The following DCLK1 variants were observed in gnomAD, a reference collection of about 807,000 sequenced individuals.
DCLK1 encodes doublecortin like kinase 1.
A neutral mutation model predicts 86.2 loss-of-function variants in DCLK1; 16 were observed. That is an observed-to-expected ratio of 0.19 (90% CI 0.13 to 0.28). The LOEUF (loss-of-function observed/expected upper bound fraction) is 0.28. Ranked by LOEUF, DCLK1 falls within the 10% of genes least tolerant of loss-of-function variation. The probability of loss-of-function intolerance (pLI) is 1.00; values close to 1 mark genes in which losing one functional copy is unlikely to be tolerated. For missense variants in DCLK1, 590 were observed against 940.2 expected, an observed-to-expected ratio of 0.63 and a Z score of 4.87; for synonymous variants, 369 against 370.5, an observed-to-expected ratio of 1.00 and a Z score of 0.05.
intron 3 of DCLK1, among the ~76,000 whole-genome samples, chr13:35,962,883 G>T (rs1878530447): frequency 1.3e-5 from 2 of 152,114 alleles, no homozygotes; most frequent in Non-Finnish European, 1.5e-5. Context: ...ACAGACCCTG[G>T]ATTACCTGGA....
At chr13:36,042,453 T>G (rs560042360) in intron 3 of DCLK1, among the ~76,000 whole-genome samples, 1 of 152,276 alleles carries the variant, frequency 6.6e-6, no homozygotes, top group Non-Finnish European at 1.5e-5. Flanking sequence ...ATTCTCCACC[T>G]CCTATCCACA....
At chr13:35,886,624 G>A (rs1449363561) in intron 4 of DCLK1, among the ~76,000 whole-genome samples, 1 of 152,054 alleles carries the variant, frequency 6.6e-6, no homozygotes, top group Non-Finnish European at 1.5e-5. Flanking sequence ...TTATGCCTAT[G>A]GGTTTCTAGG....
At chr13:35,953,100 G>A (rs1365148726) in intron 3 of DCLK1, among the ~76,000 whole-genome samples, 2 of 152,178 alleles carry the variant, frequency 1.3e-5, no homozygotes, top group African/African-American at 4.8e-5. Context: ...AACAGGAATA[G>A]TTCTGTATAC....
intron 2 of DCLK1, among the ~76,000 whole-genome samples, chr13:36,116,425 A>C (rs1201500442): frequency 6.6e-6 from 1 of 152,134 alleles, no homozygotes; most frequent in Non-Finnish European, 1.5e-5. Context: ...CTGAAAACTG[A>C]CAATGTGGTA....
At chr13:35,854,439 G>T in intron 6 of DCLK1, 60 bp downstream of exon 6, 1 of 1,386,918 alleles carries the variant, frequency 7.2e-7, no homozygotes, top group Non-Finnish European at 9.8e-7. Context: ...GCTGGCACCT[G>T]TACCTGTCTG....
At chr13:35,967,178 C>T (rs556141866) in intron 3 of DCLK1, among the ~76,000 whole-genome samples, 9 of 150,722 alleles carry the variant, frequency 6.0e-5, no homozygotes, top group East Asian at 2.0e-4. Context: ...AGGTGAGGAG[C>T]GTCTCTGACT....
chr13:35,942,904 G>C (rs1877162377), intron 4 of DCLK1, among the ~76,000 whole-genome samples: 1 of 152,116 alleles, frequency 6.6e-6, no homozygotes, highest in Admixed American at 6.5e-5. Context: ...ATAACGGTAA[G>C]TATCTAAGGA....
chr13:36,033,035 T>C (rs1370208381), intron 3 of DCLK1, among the ~76,000 whole-genome samples: 1 of 152,192 alleles, frequency 6.6e-6, no homozygotes, highest in Non-Finnish European at 1.5e-5. Flanking sequence ...ACAACAGGAC[T>C]GATATACAAA....
chr13:36,121,486 C>T (rs1007148645), intron 2 of DCLK1, among the ~76,000 whole-genome samples: 1 of 152,170 alleles, frequency 6.6e-6, no homozygotes, highest in African/African-American at 2.4e-5. Flanking sequence ...AAGTACAGTA[C>T]AAAAGGATGT....
chr13:35,805,660 T>C, intron 15 of DCLK1, 39 bp downstream of exon 15: 1 of 1,581,506 alleles, frequency 6.3e-7, no homozygotes, highest in East Asian at 2.2e-5. Context: ...TTAAAAGGAA[T>C]GTTAGGAGAG....
At chr13:36,075,864 C>T (rs910169809) in intron 3 of DCLK1, among the ~76,000 whole-genome samples, 3 of 152,018 alleles carry the variant, frequency 2.0e-5, no homozygotes, top group African/African-American at 7.2e-5. Flanking sequence ...TAAAAACACA[C>T]ACACAAAAAA....
Position 36,077,668 on chromosome 13 carries a change from G to C in DCLK1, c.723+34201C>G, listed in dbSNP as rs1240968146. The stretch of plus-strand genomic sequence containing the variant: ...ATGCAGTCAACAGAGCAAACAGATT[G>C]ATGACTTGGGGGAATGCAGTAAGAC... On this transcript the variant is annotated intron_variant, in intron 3 of 16. Transcript: ENST00000360631. 5.9e-5 allele frequency among the ~76,000 whole-genome samples: 9 copies of C among 152,172 alleles called. 1 individual carries two copies. In the East Asian group the frequency reaches 1.7e-3, roughly 29 times the overall value.
In DCLK1 at chr13:35,774,709, G is replaced by A; in HGVS notation, c.2059-10C>T. ...TATCAAGAGCGGTGGTCTAGCAGGGGCATAAAATGAGAAAGAGGACAATTA... is the reference window on the plus strand; with the variant it reads ...TATCAAGAGCGGTGGTCTAGCAGGGACATAAAATGAGAAAGAGGACAATTA... On this transcript the variant is annotated splice_polypyrimidine_tract_variant and intron_variant, in intron 16 of 16. Transcript: ENST00000360631. The A allele has an allele frequency of 6.2e-7, 1 of 1,608,890 alleles. No homozygotes were observed. Among genetic ancestry groups the A allele is most frequent in the Non-Finnish European group, 8.5e-7 (1 of 1,177,278 alleles).
chr13:36,039,549 T>A (rs1882627786), intron 3 of DCLK1, among the ~76,000 whole-genome samples: 1 of 152,120 alleles, frequency 6.6e-6, no homozygotes, highest in African/African-American at 2.4e-5. Context: ...TTTTAAAAAT[T>A]CCCTTTTTAT....
intron 14 of DCLK1, among the ~76,000 whole-genome samples, chr13:35,806,403 C>G (rs2087028672): frequency 6.6e-6 from 1 of 152,160 alleles, no homozygotes; most frequent in East Asian, 1.9e-4. Context: ...GAGAGGTAAA[C>G]AATTTCATCA....
intron 4 of DCLK1, among the ~76,000 whole-genome samples, chr13:35,926,395 CTT>C (rs1350850175): frequency 6.6e-6 from 1 of 152,188 alleles, no homozygotes; most frequent in Non-Finnish European, 1.5e-5. Flanking sequence ...TCTCAGGAGT[CTT>C]ATTCCACTCA....
chr13:35,948,712 G>A (rs1003196254), intron 3 of DCLK1, among the ~76,000 whole-genome samples: 3 of 152,158 alleles, frequency 2.0e-5, no homozygotes, highest in African/African-American at 7.2e-5. Flanking sequence ...TTCTATAAGA[G>A]TTTGATAATC....
At chr13:36,013,693 C>T (rs1454040734) in intron 3 of DCLK1, among the ~76,000 whole-genome samples, 2 of 152,142 alleles carry the variant, frequency 1.3e-5, no homozygotes, top group Non-Finnish European at 2.9e-5. Context: ...TTGTCTGTGC[C>T]CTGCCCCCAG....
chr13:35,839,263 G>T, intron 6 of DCLK1, 87 bp from the exon 7 acceptor site: 1 of 1,234,822 alleles, frequency 8.1e-7, no homozygotes, highest in Non-Finnish European at 1.1e-6. Flanking sequence ...AATCTCAGGA[G>T]AAAACTTTGC....
Sources: gnomAD v4.1 joint callset for allele counts (sites outside exome capture counted in the v4.1 genomes callset) on GRCh38, gnomAD v4.1.1 for gene constraint, MANE v1.5 for transcripts, NCBI Gene and HGNC (gene_info 2026-07-23, HGNC 2026-07-21) for gene names.